The following C2CD3 variants were observed in gnomAD, a reference collection of about 807,000 sequenced individuals.
C2CD3 encodes C2 domain-containing protein 3.
A neutral mutation model predicts 234.0 loss-of-function variants in C2CD3; 148 were observed. The observed-to-expected ratio is 0.63, with a 90% CI of 0.55 to 0.72. The LOEUF is 0.72. Ranked by LOEUF, C2CD3 falls within the 30% of genes least tolerant of loss-of-function variation. The probability of loss-of-function intolerance (pLI) is 0.00; values close to 1 mark genes in which losing one functional copy is unlikely to be tolerated. For synonymous variants in C2CD3, 1,000 were observed against 1,035.4 expected (o/e 0.97, Z 0.66); for missense variants, 2,577 against 2,811.5 (o/e 0.92, Z 1.89).
chr11:74,048,081 G>T, intron 28 of C2CD3, 124 bp downstream of exon 28: 2 of 1,052,808 alleles, frequency 1.9e-6, no homozygotes, highest in Non-Finnish European at 2.7e-6. Context: ...TGTGACAGAA[G>T]ATCAACAAAG....
intron 24 of C2CD3, among the ~76,000 whole-genome samples, chr11:74,070,048 A>G (rs1229504240): frequency 6.6e-6 from 1 of 152,182 alleles, no homozygotes; most frequent in Admixed American, 6.5e-5. Context: ...GATAATATTG[A>G]AGCTGATTTT....
At chr11:74,146,230 G>T (rs1462582113) in intron 3 of C2CD3, among the ~76,000 whole-genome samples, 1 of 152,050 alleles carries the variant, frequency 6.6e-6, no homozygotes, top group South Asian at 2.1e-4. Flanking sequence ...ATTTATAAAA[G>T]AATGTTTAGT....
intron 3 of C2CD3, among the ~76,000 whole-genome samples, chr11:74,152,946 T>A (rs368369780): frequency 7.2e-5 from 11 of 152,210 alleles, no homozygotes; most frequent in African/African-American, 1.9e-4. Flanking sequence ...TAGTGAAAGA[T>A]GCCAGACATG....
At chr11:74,071,985 T>G (rs1033016336) in intron 24 of C2CD3, among the ~76,000 whole-genome samples, 10 of 152,150 alleles carry the variant, frequency 6.6e-5, no homozygotes, top group Non-Finnish European at 1.5e-4. Context: ...ATACCATATC[T>G]TTTGTATATT....
At chr11:74,127,584 C>T (rs1957453856) in intron 7 of C2CD3, among the ~76,000 whole-genome samples, 1 of 151,666 alleles carries the variant, frequency 6.6e-6, no homozygotes, top group African/African-American at 2.4e-5. Context: ...GGGTATATAG[C>T]TAGGAGTTGA....
At chr11:74,147,505 A>G (rs2135553152) in intron 3 of C2CD3, among the ~76,000 whole-genome samples, 1 of 152,350 alleles carries the variant, frequency 6.6e-6, no homozygotes, top group East Asian at 1.9e-4. Flanking sequence ...CATGGATATT[A>G]GGTGACTTAG....
chr11:74,100,354 A>G (rs1000068959), intron 15 of C2CD3, among the ~76,000 whole-genome samples, 171 bp downstream of exon 15: 1 of 152,240 alleles, frequency 6.6e-6, no homozygotes, highest in Admixed American at 6.5e-5. Flanking sequence ...GGTAAGCAAT[A>G]TCTCTAAGAC....
intron 3 of C2CD3, among the ~76,000 whole-genome samples, chr11:74,153,933 G>T (rs539939016): frequency 1.5e-4 from 22 of 151,712 alleles, no homozygotes; most frequent in African/African-American, 5.3e-4. Flanking sequence ...ATAATCAATT[G>T]ATTATATTCA....
In C2CD3 at chr11:74,138,910, A is replaced by C; in HGVS notation, c.765T>G (p.Phe255Leu). ...ENPDTIKDSS[F>L]GLQHSLNSGQ... ...CTGAATTAAGACTGTGCTGTAGTCC[A>C]AAGGAAGAATCCTTTATTGTATCAG... The change falls in exon 5 of 33, where the codon TTT becomes TTG. Residue 255 changes from phenylalanine (F) to leucine (L), a missense_variant. Phe to Leu is a conservative substitution (Grantham distance 22). Coordinates refer to ENST00000334126, the MANE Select transcript of C2CD3 (RefSeq NM_001286577.2). The C allele has an allele frequency of 6.2e-7, 1 of 1,612,974 alleles. No homozygotes were observed. Among genetic ancestry groups the C allele is most frequent in the Non-Finnish European group, 8.5e-7 (1 of 1,178,972 alleles).
At chr11:74,038,227 C>T (rs1003432015) in intron 29 of C2CD3, among the ~76,000 whole-genome samples, 1 of 152,134 alleles carries the variant, frequency 6.6e-6, no homozygotes, top group Non-Finnish European at 1.5e-5. Flanking sequence ...TGGGCTGATT[C>T]CTTTACATCT....
At chr11:74,028,760 A>T (rs768841582) in intron 31 of C2CD3, among the ~76,000 whole-genome samples, 1 of 152,224 alleles carries the variant, frequency 6.6e-6, no homozygotes, top group Non-Finnish European at 1.5e-5. Context: ...TCAATGGCAC[A>T]GACAGTTTCC....
At chr11:74,124,823 G>A (rs1170062343) in intron 7 of C2CD3, among the ~76,000 whole-genome samples, 1 of 152,088 alleles carries the variant, frequency 6.6e-6, no homozygotes, top group Non-Finnish European at 1.5e-5. Context: ...CCAGTTGCTT[G>A]TTATTCCCCA....
At position 74,078,748 on chromosome 11, in the gene C2CD3, T is replaced by C. The variant is rs1247297475; in HGVS notation, c.4001-31A>G. 5 of 1,546,084 alleles carry C rather than the reference T, an allele frequency of 3.2e-6. No individual in the cohort carries two copies. The East Asian group carries it at 6.7e-5, about 21-fold the overall frequency. ...GGGAGAAAATAAAGATTCTCAATTA[T>C]AGTCTTAAAAGTAAACAAAAAACAA... is the stretch of plus-strand genomic sequence containing the variant. On this transcript the variant is annotated intron_variant, in intron 22 of 32. Transcript: ENST00000334126.
chr11:74,093,008 T>C (rs541123428), intron 18 of C2CD3, among the ~76,000 whole-genome samples: 6 of 152,302 alleles, frequency 3.9e-5, no homozygotes, highest in African/African-American at 1.4e-4. Flanking sequence ...CCTTCTTATG[T>C]CAAAACAATC....
chr11:74,016,983 C>T lies in C2CD3; in HGVS notation c.6922-3458G>A, dbSNP rs574552731. 2.6e-5 allele frequency among the ~76,000 whole-genome samples: 4 copies of T among 152,222 alleles called. No individual in the cohort carries two copies. The East Asian group carries it at 7.7e-4, about 29-fold the overall frequency. ...GAAGTCCCTGGAGCGGGAACTTAAACATGAAGGTGGAATGTGAACAGACAA... is the reference window on the plus strand; with the variant it reads ...GAAGTCCCTGGAGCGGGAACTTAAATATGAAGGTGGAATGTGAACAGACAA... On this transcript the variant is annotated intron_variant, in intron 32 of 32. Transcript: ENST00000334126.
chr11:74,164,161 T>A, intron 2 of C2CD3: 2 of 972,730 alleles, frequency 2.1e-6, no homozygotes, highest in Non-Finnish European at 2.4e-6. Flanking sequence ...CCTTTATACT[T>A]CACTTGTTGT....
rs922406697 is a variant in C2CD3 at position 74,098,063 on chromosome 11, G to A, written c.2925C>T (p.Phe975=). ...LKNEEGTLPP[F]SPRPAHFLDQ... is the part of the protein sequence containing the mutation. Reference sequence around the variant, plus strand: ...CCAGGAAATGGGCTGGCCTAGGGCTGAAGGGAGGGAGTGTTCCTTCTTCAT... The same window carrying A: ...CCAGGAAATGGGCTGGCCTAGGGCTAAAGGGAGGGAGTGTTCCTTCTTCAT... Residue 975 remains phenylalanine (F), a synonymous_variant, in exon 16 of 33, where the codon TTC becomes TTT. Coordinates refer to ENST00000334126, the MANE Select transcript of C2CD3 (RefSeq NM_001286577.2). 2 of 1,613,868 alleles carry A rather than the reference G, an allele frequency of 1.2e-6. No individual in the cohort carries two copies. The highest frequency in any genetic ancestry group is 1.7e-6 in the Non-Finnish European group (2 of 1,179,832).
chr11:74,169,165 G>T (rs1168034950), intron 1 of C2CD3, among the ~76,000 whole-genome samples: 3 of 152,282 alleles, frequency 2.0e-5, no homozygotes, highest in Admixed American at 1.3e-4. Flanking sequence ...GTCTTAAATT[G>T]TAACTTTTCT....
chr11:74,069,620 A>C (rs972970836), intron 24 of C2CD3, among the ~76,000 whole-genome samples: 1 of 152,256 alleles, frequency 6.6e-6, no homozygotes, highest in African/African-American at 2.4e-5. Context: ...CAACCAAGGA[A>C]CAGAGAAGTG....
Sources: allele counts gnomAD v4.1 joint callset (sites outside exome capture counted in the v4.1 genomes callset), GRCh38; gene constraint gnomAD v4.1.1; transcripts MANE v1.5; gene names NCBI Gene and HGNC (gene_info 2026-07-23, HGNC 2026-07-21).